Variants in NOX4 observed in about 807,000 individuals in gnomAD.
The protein encoded by NOX4 is kidney oxidase-1.
In NOX4, 69 loss-of-function variants were observed where a neutral mutation model predicts 87.6. The observed-to-expected ratio is 0.79, with a 90% CI of 0.65 to 0.96. The LOEUF (loss-of-function observed/expected upper bound fraction) is 0.96. NOX4 is among the 40% of genes least tolerant of loss of function. NOX4 has a pLI of 0.00. For missense variants in NOX4, 680 were observed against 681.5 expected (o/e 1.00, Z 0.02); for synonymous variants, 275 against 238.2 (o/e 1.15, Z -1.42).
intron 2 of NOX4, among the ~76,000 whole-genome samples, chr11:89,480,869 G>A (rs1470827629): frequency 1.3e-5 from 2 of 152,174 alleles, no homozygotes; most frequent in African/African-American, 4.8e-5. Flanking sequence ...CCAAGATTCA[G>A]TGAAGATTAA....
intron 11 of NOX4, among the ~76,000 whole-genome samples, chr11:89,376,097 C>G (rs576336248): frequency 6.6e-6 from 1 of 152,178 alleles, no homozygotes; most frequent in African/African-American, 2.4e-5. Context: ...CTTCTAAGTA[C>G]CAGTCCAAGG....
chr11:89,479,539 C>T (rs1246083942), intron 2 of NOX4, among the ~76,000 whole-genome samples: 1 of 152,142 alleles, frequency 6.6e-6, no homozygotes, highest in Non-Finnish European at 1.5e-5. Flanking sequence ...TATCACTCAT[C>T]TCTTCTTCCC....
intron 12 of NOX4, among the ~76,000 whole-genome samples, chr11:89,362,819 A>AAC (rs1477244128): frequency 6.6e-6 from 1 of 151,942 alleles, no homozygotes; most frequent in Non-Finnish European, 1.5e-5. Context: ...AATACACACA[A>AAC]ACACACACAC....
chr11:89,400,203 C>T lies in NOX4; in HGVS notation c.1011+12G>A, dbSNP rs1266154367. ...TAAAGGCTATTTAAAAAGTTGCTGA[C>T]CACTGACTCACCTGACCAGGTCTTG... is the stretch of plus-strand genomic sequence containing the variant. On this transcript the variant is annotated intron_variant, in intron 10 of 17. Coordinates refer to ENST00000263317, the MANE Select transcript of NOX4 (RefSeq NM_016931.5). The T allele has an allele frequency of 6.2e-7, 1 of 1,609,860 alleles. No individual in the cohort carries two copies. Among genetic ancestry groups the T allele is most frequent in the South Asian group, 1.1e-5 (1 of 90,622 alleles).
the NOX4 span, among the ~76,000 whole-genome samples, chr11:89,505,714 A>C: frequency 6.6e-6 from 1 of 152,064 alleles, no homozygotes; most frequent in African/African-American, 2.4e-5. Context: ...TTGCTAGTGT[A>C]AAAGAAACTT....
intron 2 of NOX4, among the ~76,000 whole-genome samples, chr11:89,466,337 A>C (rs553904174): frequency 6.6e-6 from 1 of 152,328 alleles, no homozygotes; most frequent in African/African-American, 2.4e-5. Flanking sequence ...ATCCTACTTA[A>C]TAAATATTAA....
upstream of NOX4, chr11:89,491,433 G>T (rs1946852242): frequency 5.4e-6 from 3 of 552,210 alleles, no homozygotes; most frequent in Admixed American, 7.7e-5. Context: ...CCCAGAGCCG[G>T]GTTTTCCGGG....
chr11:89,332,348 T>C (rs1379983413), intron 17 of NOX4, among the ~76,000 whole-genome samples: 1 of 151,830 alleles, frequency 6.6e-6, no homozygotes. Flanking sequence ...GAGTAGTAAT[T>C]CTCTACTCAA....
intron 2 of NOX4, among the ~76,000 whole-genome samples, chr11:89,477,035 A>G (rs887787276): frequency 2.0e-5 from 3 of 152,208 alleles, no homozygotes; most frequent in African/African-American, 2.4e-5. Context: ...GTTTTGGGGA[A>G]GACAATTTTT....
At chr11:89,460,984 G>A (rs1030400725) in intron 2 of NOX4, among the ~76,000 whole-genome samples, 1 of 152,142 alleles carries the variant, frequency 6.6e-6, no homozygotes, top group African/African-American at 2.4e-5. Flanking sequence ...AGCCATAAAA[G>A]ATGATGAGTT....
the NOX4 span, among the ~76,000 whole-genome samples, chr11:89,564,462 G>A: frequency 6.6e-6 from 1 of 152,110 alleles, no homozygotes; most frequent in Admixed American, 6.6e-5. Context: ...CGGCCCCAGG[G>A]TTCAATCAGC....
chr11:89,337,590 C>T, intron 15 of NOX4, 75 bp from the exon 16 acceptor site: 3 of 1,583,850 alleles, frequency 1.9e-6, no homozygotes, highest in Admixed American at 1.7e-5. Flanking sequence ...TTCTAACATA[C>T]TTGATTCTAG....
chr11:89,384,418 A>G (rs556751238), intron 11 of NOX4, among the ~76,000 whole-genome samples: 2 of 152,098 alleles, frequency 1.3e-5, no homozygotes, highest in Admixed American at 6.5e-5. Flanking sequence ...TCCATTACCT[A>G]TCTCAGCATA....
chr11:89,394,361 A>C lies in NOX4; in HGVS notation c.1074+5656T>G, dbSNP rs317156. Among the ~76,000 whole-genome samples, 615 of 144,244 alleles carry C rather than the reference A, an allele frequency of 4.3e-3. 3 individuals are homozygous for C. In the Middle Eastern group the frequency reaches 0.045, roughly 11 times the overall value. 94.6% of individuals were successfully genotyped at this position (144,244 alleles called of 152,430 possible). Reference sequence around the variant, plus strand: ...TGAAAAATAGTTTAAAAAACAACAAAAAAAAAACTCTTGCTGCTCTGTACT... The same window carrying C: ...TGAAAAATAGTTTAAAAAACAACAACAAAAAAACTCTTGCTGCTCTGTACT... On this transcript the variant is annotated intron_variant, in intron 11 of 17. Transcript: ENST00000263317.
At chr11:89,566,116 C>T in the NOX4 span, among the ~76,000 whole-genome samples, 4 of 149,978 alleles carry the variant, frequency 2.7e-5, no homozygotes, top group African/African-American at 9.8e-5. Context: ...AATCTCGGCT[C>T]ACTGCAAGCT....
At chr11:89,415,694 AC>A (rs1161504251) in intron 8 of NOX4, among the ~76,000 whole-genome samples, 1 of 151,836 alleles carries the variant, frequency 6.6e-6, no homozygotes, top group Non-Finnish European at 1.5e-5. Flanking sequence ...CATGTTAAAA[AC>A]CCCTATCCTA....
At chr11:89,369,358 T>C (rs1939264038) in intron 12 of NOX4, among the ~76,000 whole-genome samples, 1 of 151,990 alleles carries the variant, frequency 6.6e-6, no homozygotes, top group African/African-American at 2.4e-5. Context: ...TGGCAGGAGA[T>C]AGAGTCACAC....
intron 13 of NOX4, among the ~76,000 whole-genome samples, chr11:89,354,480 T>C (rs535797249): frequency 6.6e-6 from 1 of 152,282 alleles, no homozygotes; most frequent in South Asian, 2.1e-4. Context: ...TCCCCTGTTT[T>C]CAATACGATA....
At chr11:89,473,963 A>G (rs1946057439) in intron 2 of NOX4, among the ~76,000 whole-genome samples, 1 of 152,162 alleles carries the variant, frequency 6.6e-6, no homozygotes. Flanking sequence ...GGTACAGACT[A>G]TTTTCCTAAA....
Sources: allele counts gnomAD v4.1 joint callset (sites outside exome capture counted in the v4.1 genomes callset), GRCh38; gene constraint gnomAD v4.1.1; transcripts MANE v1.5; gene names NCBI Gene and HGNC (gene_info 2026-07-23, HGNC 2026-07-21).